BACH2: variants seen among roughly 807,000 people sequenced by gnomAD.
The protein encoded by BACH2 is BACH transcriptional regulator 2.
In BACH2, 5 loss-of-function variants were observed where a neutral mutation model predicts 61.8. That is an observed-to-expected ratio of 0.08 (90% CI 0.04 to 0.17). The LOEUF is 0.17. Ranked by LOEUF, BACH2 falls within the 10% of genes least tolerant of loss-of-function variation. BACH2 has a pLI of 1.00. For synonymous variants in BACH2, 446 were observed against 440.1 expected (o/e 1.01, Z -0.17); for missense variants, 824 against 1,091.1 (o/e 0.76, Z 3.45).
chr6:90,018,874 C>T (rs762933270), intron 5 of BACH2, among the ~76,000 whole-genome samples: 1 of 152,056 alleles, frequency 6.6e-6, no homozygotes, highest in Non-Finnish European at 1.5e-5. Flanking sequence ...ATCGAGTTCA[C>T]CTGGCTTCTG....
chr6:90,273,152 G>C (rs1212176272), intron 1 of BACH2, among the ~76,000 whole-genome samples: 1 of 152,134 alleles, frequency 6.6e-6, no homozygotes, highest in Non-Finnish European at 1.5e-5. Context: ...TTGAGGCCAG[G>C]TGTTCAAAAC....
At chr6:90,220,309 A>G (rs767038391) in intron 3 of BACH2, among the ~76,000 whole-genome samples, 1 of 152,216 alleles carries the variant, frequency 6.6e-6, no homozygotes, top group Non-Finnish European at 1.5e-5. Context: ...TTAGCAGCCC[A>G]TTTTACCGAA....
At chr6:90,184,888 T>G (rs979795207) in intron 4 of BACH2, among the ~76,000 whole-genome samples, 14 of 152,218 alleles carry the variant, frequency 9.2e-5, no homozygotes, top group Non-Finnish European at 1.5e-4. Context: ...CGCCATTACT[T>G]CTCTTTTCAT....
chr6:90,005,470 T>C (rs1777358931), intron 6 of BACH2, among the ~76,000 whole-genome samples: 1 of 152,266 alleles, frequency 6.6e-6, no homozygotes, highest in Admixed American at 6.5e-5. Context: ...TCCAGAAAGC[T>C]ACTTTCTAAG....
Position 89,932,741 on chromosome 6 carries a change from A to T in BACH2, c.2193T>A (p.Pro731=). The change falls in exon 9 of 9, where the codon CCT becomes CCA. Residue 731 remains proline (P), a synonymous_variant. Transcript: ENST00000257749. The stretch of plus-strand genomic sequence containing the variant: ...TGGGCAAGTCCATGGGTCTGAGGAC[A>T]GGGCAATACCGATGCAGGGCCTGGA... ...EQIQALHRYC[P]VLRPMDLPTA... is the part of the protein sequence containing the mutation. The T allele has an allele frequency of 6.2e-7, 1 of 1,614,184 alleles. No individual in the cohort carries two copies. The highest frequency in any genetic ancestry group is 8.5e-7 in the Non-Finnish European group (1 of 1,179,996).
At chr6:89,973,440 C>T (rs1255814871) in intron 6 of BACH2, among the ~76,000 whole-genome samples, 1 of 152,134 alleles carries the variant, frequency 6.6e-6, no homozygotes, top group Admixed American at 6.5e-5. Context: ...AGTTCTATGA[C>T]CAGGGTCTCC....
chr6:90,166,265 A>T (rs1469339875), intron 4 of BACH2, among the ~76,000 whole-genome samples: 1 of 152,200 alleles, frequency 6.6e-6, no homozygotes, highest in East Asian at 1.9e-4. Flanking sequence ...GACACTTCTC[A>T]AAAGAAGACA....
intron 5 of BACH2, among the ~76,000 whole-genome samples, chr6:90,022,599 A>C (rs1291214844): frequency 1.3e-5 from 2 of 152,224 alleles, no homozygotes; most frequent in Non-Finnish European, 2.9e-5. Context: ...TGAATGAACG[A>C]ATGAACGAAT....
chr6:90,160,488 T>G (rs570274161), intron 4 of BACH2, among the ~76,000 whole-genome samples: 1 of 152,212 alleles, frequency 6.6e-6, no homozygotes, highest in Non-Finnish European at 1.5e-5. Flanking sequence ...TGAATTCTTT[T>G]AAAATGAGGA....
At chr6:90,093,420 C>T (rs1015239142) in intron 4 of BACH2, among the ~76,000 whole-genome samples, 3 of 152,162 alleles carry the variant, frequency 2.0e-5, no homozygotes, top group African/African-American at 7.2e-5. Context: ...ATTCTACTAA[C>T]ACTGTTTAAC....
intron 5 of BACH2, among the ~76,000 whole-genome samples, chr6:90,021,736 C>G (rs1778389355): frequency 6.6e-6 from 1 of 152,296 alleles, no homozygotes; most frequent in Admixed American, 6.5e-5. Context: ...TCTAATGCAT[C>G]AAGACTAAAA....
At chr6:90,294,236 T>G (rs1045454300) in intron 1 of BACH2, among the ~76,000 whole-genome samples, 2 of 152,190 alleles carry the variant, frequency 1.3e-5, no homozygotes, top group Non-Finnish European at 1.5e-5. Flanking sequence ...AAGAATTTAC[T>G]CAACACATTC....
Position 89,928,247 on chromosome 6 carries a change from G to A in BACH2, c.*4161C>T, listed in dbSNP as rs1261658345. On this transcript the variant is annotated 3_prime_UTR_variant, in exon 9 of 9. Coordinates refer to ENST00000257749, the MANE Select transcript of BACH2 (RefSeq NM_021813.4). Reference sequence around the variant, plus strand: ...CTAAACTGTAAGCAATAGTGAAGCAGTTTGAAGTCATTTCTAAGACAGCTC... The same window carrying A: ...CTAAACTGTAAGCAATAGTGAAGCAATTTGAAGTCATTTCTAAGACAGCTC... 1.3e-5 allele frequency: 2 copies of A among 152,354 alleles called. No individual in the cohort carries two copies. The highest frequency in any genetic ancestry group is 2.9e-5 in the Non-Finnish European group (2 of 68,040). The allele number at this position is 152,354 out of a possible 1,614,324, so 9.4% of individuals were successfully genotyped here.
In BACH2 at chr6:90,167,839, C is replaced by A. The variant is rs143589636; in HGVS notation, c.-162+38730G>T. On this transcript the variant is annotated intron_variant, in intron 4 of 8. Coordinates refer to ENST00000257749, the MANE Select transcript of BACH2 (RefSeq NM_021813.4). ...TTGGGAGTTCTCCAATGTTTCACTT[C>A]TTTTTGCTGAGGTAGGCTTGTAAAC... 1.9e-3 allele frequency among the ~76,000 whole-genome samples: 292 copies of A among 152,294 alleles called. 3 individuals carry two copies. The highest frequency in any genetic ancestry group is 6.8e-3 in the African/African-American group (283 of 41,558).
chr6:90,177,301 T>C (rs1407839866), intron 4 of BACH2, among the ~76,000 whole-genome samples: 1 of 152,178 alleles, frequency 6.6e-6, no homozygotes, highest in Non-Finnish European at 1.5e-5. Context: ...TATCTTATTT[T>C]TTCTTTGTAT....
At chr6:89,978,633 TAA>T (rs753724278) in intron 6 of BACH2, among the ~76,000 whole-genome samples, 52 of 86,036 alleles carry the variant, frequency 6.0e-4, no homozygotes, top group Admixed American at 1.4e-3. Context: ...GTGTTGGCTT[TAA>T]AAAAAAAAAA....
chr6:90,260,347 T>C (rs573921637), intron 2 of BACH2, among the ~76,000 whole-genome samples: 3 of 152,198 alleles, frequency 2.0e-5, no homozygotes, highest in South Asian at 2.1e-4. Flanking sequence ...TTCCAGATAT[T>C]TGTGAATTTT....
At chr6:90,073,292 G>A (rs1781323208) in intron 5 of BACH2, among the ~76,000 whole-genome samples, 1 of 152,172 alleles carries the variant, frequency 6.6e-6, no homozygotes, top group Non-Finnish European at 1.5e-5. Flanking sequence ...AACTGACTCT[G>A]CGAGAATCTA....
chr6:90,276,512 G>C (rs1255019664), intron 1 of BACH2, among the ~76,000 whole-genome samples: 2 of 152,196 alleles, frequency 1.3e-5, no homozygotes, highest in African/African-American at 4.8e-5. Flanking sequence ...CAGACAGGTT[G>C]CCTCTGGATA....
Sources: gnomAD v4.1 joint callset for allele counts (sites outside exome capture counted in the v4.1 genomes callset) on GRCh38, gnomAD v4.1.1 for gene constraint, MANE v1.5 for transcripts, NCBI Gene and HGNC (gene_info 2026-07-23, HGNC 2026-07-21) for gene names.